Variants in NAALADL2 observed in about 807,000 individuals in gnomAD.
The protein encoded by NAALADL2 is inactive N-acetylated-alpha-linked acidic dipeptidase-like protein 2.
NAALADL2 carries 76 observed loss-of-function variants against 87.2 expected under a neutral mutation model. The observed-to-expected ratio is 0.87, with a 90% confidence interval of 0.72 to 1.05. The LOEUF is 1.05. NAALADL2 is among the 50% of genes least tolerant of loss of function. The probability of loss-of-function intolerance (pLI) is 0.00; values close to 1 mark genes in which losing one functional copy is unlikely to be tolerated. For missense variants in NAALADL2, 1,089 were observed against 945.8 expected, an observed-to-expected ratio of 1.15 and a Z score of -1.99; for synonymous variants, 354 against 331.0, an observed-to-expected ratio of 1.07 and a Z score of -0.75.
chr3:175,284,814 G>T (rs76441324), intron 4 of NAALADL2, among the ~76,000 whole-genome samples: 5,171 of 152,106 alleles, frequency 0.034, 259 homozygotes, highest in African/African-American at 0.12. Flanking sequence ...CCTCCTACAT[G>T]TGGTCTCTGG....
chr3:175,761,873 G>A (rs976975612), intron 13 of NAALADL2, among the ~76,000 whole-genome samples: 4 of 151,978 alleles, frequency 2.6e-5, no homozygotes, highest in Non-Finnish European at 4.4e-5. Context: ...TGAGTTGTTA[G>A]ACGTATTTTT....
In NAALADL2 at chr3:175,012,967, G is replaced by GTGTATA. The variant is rs1553916621; in HGVS notation, c.44-83822_44-83821insGTATAT. On this transcript the variant is annotated intron_variant, in intron 1 of 13. Coordinates refer to ENST00000454872, the MANE Select transcript of NAALADL2 (RefSeq NM_207015.3). Reference sequence around the variant, plus strand: ...TGTCCAATATAGCCTAGATGTGTGTGTATATATATATACACAAAAATATAT... The same window carrying GTGTATA: ...TGTCCAATATAGCCTAGATGTGTGTGTGTATATATATATATATACACAAAAATATAT... Among the ~76,000 whole-genome samples the GTGTATA allele has an allele frequency of 3.9e-3, 499 of 126,982 alleles. 9 individuals carry two copies. Among genetic ancestry groups the GTGTATA allele is most frequent in the African/African-American group, 0.016 (484 of 29,524 alleles). The allele number at this position is 126,982 out of a possible 152,430, so 83.3% of individuals were successfully genotyped here.
In NAALADL2 at chr3:175,323,660, G is replaced by GAA. The variant is rs61581126; in HGVS notation, c.940-505_940-504dup. ...TGGTAGAGATAGAGAAAAACCGGAG[G>GAA]AAAAAAAAAAAGGCCAGTAGAAAAA... is the stretch of plus-strand genomic sequence containing the variant. On this transcript the variant is annotated intron_variant, in intron 4 of 13. Coordinates refer to ENST00000454872, the MANE Select transcript of NAALADL2 (RefSeq NM_207015.3). Among the ~76,000 whole-genome samples the GAA allele has an allele frequency of 2.5e-4, 35 of 142,038 alleles. No individual in the cohort carries two copies. In the East Asian group the frequency reaches 2.9e-3, roughly 12 times the overall value. The allele number at this position is 142,038 out of a possible 152,430, so 93.2% of individuals were successfully genotyped here.
intron 2 of NAALADL2, among the ~76,000 whole-genome samples, chr3:174,692,669 C>G (rs1728684484): frequency 6.6e-6 from 1 of 151,980 alleles, no homozygotes; most frequent in Non-Finnish European, 1.5e-5. Flanking sequence ...TATACTAGGA[C>G]AAATTACTAA....
At chr3:174,722,384 T>C (rs948956550) in intron 2 of NAALADL2, among the ~76,000 whole-genome samples, 7 of 152,176 alleles carry the variant, frequency 4.6e-5, no homozygotes, top group African/African-American at 1.7e-4. Flanking sequence ...TTAACCCTCC[T>C]ATTGCTTAAA....
At chr3:174,918,710 A>G (rs1426588351) in intron 1 of NAALADL2, among the ~76,000 whole-genome samples, 1 of 152,156 alleles carries the variant, frequency 6.6e-6, no homozygotes, top group Non-Finnish European at 1.5e-5. Flanking sequence ...CAGAACTAGC[A>G]CACTAATGAT....
intron 4 of NAALADL2, among the ~76,000 whole-genome samples, chr3:175,303,991 T>A (rs1757393155): frequency 6.6e-6 from 1 of 151,166 alleles, no homozygotes; most frequent in African/African-American, 2.5e-5. Flanking sequence ...AGGGGGTGGA[T>A]AGTTTCATAC....
At chr3:174,574,434 A>G (rs556194909) in intron 2 of NAALADL2, among the ~76,000 whole-genome samples, 1 of 152,120 alleles carries the variant, frequency 6.6e-6, no homozygotes, top group South Asian at 2.1e-4. Flanking sequence ...TTAATGTTTT[A>G]TTTTTCCCTA....
chr3:175,625,596 T>C (rs1262993200), intron 10 of NAALADL2, among the ~76,000 whole-genome samples: 1 of 152,004 alleles, frequency 6.6e-6, no homozygotes, highest in Non-Finnish European at 1.5e-5. Flanking sequence ...GGGGAAATGA[T>C]CTTTGTTAAC....
At chr3:175,389,633 C>G (rs929778436) in intron 5 of NAALADL2, among the ~76,000 whole-genome samples, 1 of 152,138 alleles carries the variant, frequency 6.6e-6, no homozygotes, top group African/African-American at 2.4e-5. Flanking sequence ...GTGAATAAAT[C>G]TTTCCTATTT....
intron 6 of NAALADL2, among the ~76,000 whole-genome samples, chr3:175,458,482 TATATATAA>T (rs36203711): frequency 0.63 from 92,345 of 146,522 alleles, 30,241 homozygotes; most frequent in South Asian, 0.76. Context: ...CTCATGGTTT[TATATATAA>T]ATATATAAAT....
chr3:175,518,182 T>G (rs982207400), intron 9 of NAALADL2, among the ~76,000 whole-genome samples: 1 of 152,318 alleles, frequency 6.6e-6, no homozygotes, highest in Non-Finnish European at 1.5e-5. Context: ...AAAATGATTT[T>G]GGGCTGCCTT....
chr3:175,256,564 C>G (rs938397085), intron 4 of NAALADL2, 34 bp downstream of exon 4: 1 of 1,595,510 alleles, frequency 6.3e-7, no homozygotes, highest in Non-Finnish European at 8.5e-7. Flanking sequence ...GTGGTTTGGT[C>G]AATATTTTGC....
At chr3:174,628,693 T>A (rs1044959701) in intron 2 of NAALADL2, among the ~76,000 whole-genome samples, 4 of 152,168 alleles carry the variant, frequency 2.6e-5, no homozygotes, top group Non-Finnish European at 4.4e-5. Context: ...TCTAACCTTT[T>A]ATAGCACTAT....
intron 10 of NAALADL2, among the ~76,000 whole-genome samples, chr3:175,588,722 T>G (rs528311689): frequency 0.012 from 1,890 of 152,038 alleles, 37 homozygotes; most frequent in African/African-American, 0.042. Flanking sequence ...GTATTTTTGG[T>G]AGAGATGGGG....
At chr3:174,663,891 G>A (rs936093388) in intron 2 of NAALADL2, among the ~76,000 whole-genome samples, 1 of 151,272 alleles carries the variant, frequency 6.6e-6, no homozygotes, top group African/African-American at 2.4e-5. Flanking sequence ...GGGTCCAAGC[G>A]ATTCTCCTGC....
chr3:174,671,929 G>GTGATGATAA (rs1726575775), intron 2 of NAALADL2, among the ~76,000 whole-genome samples: 1 of 150,356 alleles, frequency 6.7e-6, no homozygotes, highest in African/African-American at 2.4e-5. Context: ...GTTAACTACT[G>GTGATGATAA]TGATGATGAT....
intron 2 of NAALADL2, among the ~76,000 whole-genome samples, chr3:175,233,572 G>A (rs897397970): frequency 6.6e-6 from 1 of 152,080 alleles, no homozygotes; most frequent in Admixed American, 6.6e-5. Context: ...GTCCCAAGTA[G>A]GTGGGACCAC....
intron 3 of NAALADL2, among the ~76,000 whole-genome samples, chr3:175,241,855 ATTT>A (rs779567135): frequency 1.1e-4 from 9 of 83,816 alleles, no homozygotes; most frequent in East Asian, 4.0e-4. Flanking sequence ...TGGATGCTGA[ATTT>A]TTTTTTTTTT....
Sources: gnomAD v4.1 joint callset for allele counts (sites outside exome capture counted in the v4.1 genomes callset) on GRCh38, gnomAD v4.1.1 for gene constraint, MANE v1.5 for transcripts, NCBI Gene and HGNC (gene_info 2026-07-23, HGNC 2026-07-21) for gene names.